Variants in SSBP2 observed in about 807,000 individuals in gnomAD.
The protein encoded by SSBP2 is single-stranded DNA-binding protein 2.
In SSBP2, 17 loss-of-function variants were observed where a neutral mutation model predicts 61.8. The observed-to-expected ratio is 0.28, with a 90% CI of 0.19 to 0.41. The LOEUF (loss-of-function observed/expected upper bound fraction) is 0.41, where lower values mean the gene tolerates loss of function less well. Among genes scored for constraint, SSBP2 ranks in the 10% least tolerant of loss-of-function variants. The pLI, the probability that SSBP2 is intolerant of heterozygous loss-of-function variation, is 1.00. For synonymous variants in SSBP2, 139 were observed against 141.3 expected (o/e 0.98, Z 0.12); for missense variants, 310 against 458.7 (o/e 0.68, Z 2.96).
At chr5:81,571,436 T>C (rs1773832997) in intron 4 of SSBP2, among the ~76,000 whole-genome samples, 1 of 152,100 alleles carries the variant, frequency 6.6e-6, no homozygotes, top group Admixed American at 6.6e-5. Flanking sequence ...CAAGAGGAAA[T>C]CAAAACAAAC....
At chr5:81,469,671 G>C (rs1765122994) in intron 8 of SSBP2, among the ~76,000 whole-genome samples, 1 of 151,916 alleles carries the variant, frequency 6.6e-6, no homozygotes, top group African/African-American at 2.4e-5. Flanking sequence ...TTCCATGAAT[G>C]ATGAGCTAGT....
intron 1 of SSBP2, among the ~76,000 whole-genome samples, chr5:81,735,539 TTC>T (rs1227842610): frequency 6.6e-6 from 1 of 152,226 alleles, no homozygotes; most frequent in Non-Finnish European, 1.5e-5. Context: ...ATGTAAACAG[TTC>T]TTATACTGTA....
intron 4 of SSBP2, among the ~76,000 whole-genome samples, chr5:81,528,906 A>T (rs1770167972): frequency 6.6e-6 from 1 of 152,108 alleles, no homozygotes; most frequent in East Asian, 1.9e-4. Flanking sequence ...ACAAATCAAT[A>T]ATCACAGTGA....
At chr5:81,647,099 G>A (rs973956645) in intron 2 of SSBP2, among the ~76,000 whole-genome samples, 6 of 152,088 alleles carry the variant, frequency 3.9e-5, no homozygotes, top group African/African-American at 7.2e-5. Context: ...CATCTTTTAA[G>A]TTCAGATAAT....
chr5:81,639,500 A>G (rs372816324), intron 2 of SSBP2, among the ~76,000 whole-genome samples: 1 of 152,136 alleles, frequency 6.6e-6, no homozygotes, highest in Non-Finnish European at 1.5e-5. Flanking sequence ...AAAAAAGTAA[A>G]TTATGTTTAT....
chr5:81,480,784 A>G (rs1411403756), intron 6 of SSBP2, among the ~76,000 whole-genome samples: 2 of 152,216 alleles, frequency 1.3e-5, no homozygotes, highest in Non-Finnish European at 2.9e-5. Flanking sequence ...ATTTCTCTGT[A>G]GCATGTGATG....
At chr5:81,515,908 C>G (rs1452067270) in intron 4 of SSBP2, among the ~76,000 whole-genome samples, 1 of 151,338 alleles carries the variant, frequency 6.6e-6, no homozygotes, top group Admixed American at 6.6e-5. Context: ...TTAATAAATT[C>G]AATAAGAATA....
chr5:81,646,584 T>A (rs1749284936), intron 2 of SSBP2, among the ~76,000 whole-genome samples: 1 of 150,122 alleles, frequency 6.7e-6, no homozygotes, highest in Non-Finnish European at 1.5e-5. Flanking sequence ...ACATAAATTA[T>A]TACATTCTCT....
chr5:81,463,758 CTTTTTTTTTTTT>C (rs938398439), intron 9 of SSBP2, among the ~76,000 whole-genome samples: 40 of 96,300 alleles, frequency 4.2e-4, no homozygotes, highest in South Asian at 1.1e-3. Flanking sequence ...GAAAAATCCT[CTTTTTTTTTTTT>C]TTTTTTTTTT....
chr5:81,562,038 G>A (rs2153417142), intron 4 of SSBP2, among the ~76,000 whole-genome samples: 1 of 152,066 alleles, frequency 6.6e-6, no homozygotes, highest in South Asian at 2.1e-4. Flanking sequence ...CCAAGTAGCT[G>A]GGGCTATAGG....
At chr5:81,683,324 C>A (rs529882477) in intron 1 of SSBP2, among the ~76,000 whole-genome samples, 1 of 152,134 alleles carries the variant, frequency 6.6e-6, no homozygotes, top group East Asian at 1.9e-4. Flanking sequence ...CAGAAACAGA[C>A]CCACATAAAT....
intron 4 of SSBP2, among the ~76,000 whole-genome samples, chr5:81,566,764 T>C (rs1024073819): frequency 1.3e-5 from 2 of 152,184 alleles, no homozygotes; most frequent in African/African-American, 4.8e-5. Flanking sequence ...AAAATGCTTA[T>C]AGAGATATCA....
chr5:81,420,932 G>A (rs1361224320), intron 16 of SSBP2, among the ~76,000 whole-genome samples: 2 of 152,138 alleles, frequency 1.3e-5, no homozygotes, highest in Non-Finnish European at 2.9e-5. Flanking sequence ...CTTGTAAACT[G>A]AGGAGGCTAC....
chr5:81,702,239 C>T (rs770105260), intron 1 of SSBP2, among the ~76,000 whole-genome samples: 19 of 152,064 alleles, frequency 1.2e-4, no homozygotes, highest in East Asian at 3.9e-4. Context: ...GGCGTGGTGG[C>T]GCACACCTGT....
In SSBP2 at chr5:81,450,386, G is replaced by T. The variant is rs116653521; in HGVS notation, c.688-1561C>A. On this transcript the variant is annotated intron_variant, in intron 10 of 16. Transcript: ENST00000320672. ...CCACCAATTTATCTATCGGCTCCTA[G>T]GACCAATTTCATCTCTCTCTGTCTT... Among the ~76,000 whole-genome samples the T allele has an allele frequency of 6.6e-3, 1,002 of 152,080 alleles. 7 individuals are homozygous for T. The highest frequency in any genetic ancestry group is 0.021 in the African/African-American group (880 of 41,444).
intron 4 of SSBP2, among the ~76,000 whole-genome samples, chr5:81,593,384 A>T (rs951119310): frequency 6.6e-5 from 10 of 152,202 alleles, no homozygotes; most frequent in Non-Finnish European, 1.2e-4. Flanking sequence ...CTGAAAGTGA[A>T]GGGGAGAATG....
At chr5:81,704,588 G>C (rs1754226943) in intron 1 of SSBP2, among the ~76,000 whole-genome samples, 1 of 152,054 alleles carries the variant, frequency 6.6e-6, no homozygotes, top group Non-Finnish European at 1.5e-5. Context: ...ACCAGGTCAG[G>C]AGCTCAAGAC....
chr5:81,704,615 G>A (rs891122355), intron 1 of SSBP2, among the ~76,000 whole-genome samples: 3 of 151,904 alleles, frequency 2.0e-5, no homozygotes, highest in African/African-American at 7.3e-5. Flanking sequence ...GGCCAATATG[G>A]CGAAACCCCG....
At position 81,416,399 on chromosome 5, in the gene SSBP2, T is replaced by A. The variant is rs1356804097; in HGVS notation, c.*4105A>T. 1 of 152,188 alleles carries A rather than the reference T, an allele frequency of 6.6e-6. No homozygotes were observed. Among genetic ancestry groups the A allele is most frequent in the Non-Finnish European group, 1.5e-5 (1 of 68,056 alleles). The allele number at this position is 152,188 out of a possible 1,614,324, so 9.4% of individuals were successfully genotyped here. On this transcript the variant is annotated 3_prime_UTR_variant, in exon 17 of 17. Transcript: ENST00000320672. ...ACTACTCTTAGTACTATACACTATA[T>A]GCAGATGAAAATGGTAAGGGCTGAG...
Sources: allele counts gnomAD v4.1 joint callset (sites outside exome capture counted in the v4.1 genomes callset), GRCh38; gene constraint gnomAD v4.1.1; transcripts MANE v1.5; gene names NCBI Gene and HGNC (gene_info 2026-07-23, HGNC 2026-07-21).